The following MRAS variants were observed in gnomAD, a reference collection of about 807,000 sequenced individuals.
MRAS encodes the protein ras-related protein M-Ras.
MRAS carries 4 observed loss-of-function variants against 20.9 expected under a neutral mutation model. The observed-to-expected ratio is 0.19, with a 90% CI of 0.09 to 0.44. The LOEUF (loss-of-function observed/expected upper bound fraction) is 0.44, where lower values mean the gene tolerates loss of function less well. Among genes scored for constraint, MRAS ranks in the 20% least tolerant of loss-of-function variants. MRAS has a pLI of 0.99. For missense variants in MRAS, 154 were observed against 277.5 expected, an observed-to-expected ratio of 0.56 and a Z score of 3.16; for synonymous variants, 98 against 102.9, an observed-to-expected ratio of 0.95 and a Z score of 0.29.
At position 138,402,242 on chromosome 3, in the gene MRAS, C is replaced by T; in HGVS notation, c.600C>T (p.Thr200=). ...GGCGGGGAGACCGGGCCACAGGCAC[C>T]CACAAACTGCAATGTGTGATCTTGT... ...TKWRGDRATG[T]HKLQCVIL Residue 200 remains threonine (T), a synonymous_variant, in exon 6 of 6, where the codon ACC becomes ACT. Transcript: ENST00000423968. 6.2e-7 allele frequency: 1 copy of T among 1,614,190 alleles called. No individual in the cohort carries two copies. Among genetic ancestry groups the T allele is most frequent in the Non-Finnish European group, 8.5e-7 (1 of 1,180,030 alleles).
At chr3:138,378,551 T>A (rs1307164114) in intron 2 of MRAS, among the ~76,000 whole-genome samples, 6 of 152,242 alleles carry the variant, frequency 3.9e-5, no homozygotes, top group Non-Finnish European at 8.8e-5. Flanking sequence ...TTGCTTCGGC[T>A]GTCCCATCTC....
chr3:138,368,792 A>AC (rs1226008703), intron 1 of MRAS, among the ~76,000 whole-genome samples: 1 of 152,194 alleles, frequency 6.6e-6, no homozygotes, highest in African/African-American at 2.4e-5. Flanking sequence ...TTTTAAAAAA[A>AC]TCTTTCTCTG....
intron 2 of MRAS, among the ~76,000 whole-genome samples, chr3:138,390,527 C>T (rs2055110951): frequency 6.6e-6 from 1 of 152,238 alleles, no homozygotes; most frequent in African/African-American, 2.4e-5. Flanking sequence ...AGTCCTCCTA[C>T]CTTCATGACA....
At chr3:138,371,469 G>A (rs921233324) in intron 1 of MRAS, among the ~76,000 whole-genome samples, 1 of 152,156 alleles carries the variant, frequency 6.6e-6, no homozygotes, top group African/African-American at 2.4e-5. Flanking sequence ...GCCTTCCCAA[G>A]TAGCGGCGGA....
At chr3:138,396,289 G>A (rs991455324) in intron 2 of MRAS, among the ~76,000 whole-genome samples, 8 of 152,210 alleles carry the variant, frequency 5.3e-5, no homozygotes, top group Non-Finnish European at 8.8e-5. Context: ...AGGAAATGGT[G>A]GCACAGAGAG....
chr3:138,399,207 A>T (rs1168260029), intron 4 of MRAS, among the ~76,000 whole-genome samples: 1 of 152,222 alleles, frequency 6.6e-6, no homozygotes, highest in Non-Finnish European at 1.5e-5. Context: ...TTCTGAGCTC[A>T]GTCTCCTGAG....
chr3:138,391,842 A>G (rs1420514706), intron 2 of MRAS, among the ~76,000 whole-genome samples: 3 of 152,222 alleles, frequency 2.0e-5, no homozygotes, highest in Admixed American at 2.0e-4. Flanking sequence ...ATGTATGTTT[A>G]AAAATGCTTG....
At chr3:138,384,706 G>A (rs2054974557) in intron 2 of MRAS, among the ~76,000 whole-genome samples, 1 of 152,178 alleles carries the variant, frequency 6.6e-6, no homozygotes, top group South Asian at 2.1e-4. Context: ...TAAAGCTGCA[G>A]GATGAGAGAT....
intron 2 of MRAS, among the ~76,000 whole-genome samples, chr3:138,385,497 T>C (rs959739821): frequency 1.3e-5 from 2 of 150,236 alleles, no homozygotes; most frequent in Non-Finnish European, 3.0e-5. Flanking sequence ...AGTTTTAAAA[T>C]ATATATATTT....
chr3:138,400,347 T>G (rs540188880), intron 4 of MRAS, 187 bp from the exon 5 acceptor site: 67 of 583,060 alleles, frequency 1.1e-4, no homozygotes, highest in African/African-American at 1.0e-3. Context: ...GAAAAGCCAT[T>G]AGTAACACTT....
intron 1 of MRAS, among the ~76,000 whole-genome samples, chr3:138,367,619 T>C (rs1351308166): frequency 6.6e-6 from 1 of 152,188 alleles, no homozygotes; most frequent in African/African-American, 2.4e-5. Flanking sequence ...CCCCTGCTTC[T>C]TAGCACAAGG....
chr3:138,379,990 G>C (rs2054866163), intron 2 of MRAS, among the ~76,000 whole-genome samples: 1 of 152,062 alleles, frequency 6.6e-6, no homozygotes. Flanking sequence ...CCTAGCATTT[G>C]TTATTTTTTG....
intron 2 of MRAS, among the ~76,000 whole-genome samples, chr3:138,382,085 G>A (rs1003412996): frequency 6.6e-6 from 1 of 152,170 alleles, no homozygotes; most frequent in Admixed American, 6.5e-5. Context: ...TCCCCTGCCA[G>A]CAGTGATGTG....
At chr3:138,354,859 C>G (rs1363309767) in intron 1 of MRAS, among the ~76,000 whole-genome samples, 1 of 152,146 alleles carries the variant, frequency 6.6e-6, no homozygotes, top group Non-Finnish European at 1.5e-5. Context: ...TAGCTTATCA[C>G]AGCCTCGAAC....
At chr3:138,364,382 G>A (rs1354880261) in intron 1 of MRAS, among the ~76,000 whole-genome samples, 2 of 152,192 alleles carry the variant, frequency 1.3e-5, no homozygotes, top group Non-Finnish European at 2.9e-5. Context: ...CCAGGTACTG[G>A]GCCAAGCAAA....
At chr3:138,400,861 C>T (rs2055346000) in intron 5 of MRAS, among the ~76,000 whole-genome samples, 1 of 152,190 alleles carries the variant, frequency 6.6e-6, no homozygotes, top group Admixed American at 6.5e-5. Flanking sequence ...GAAATGCCTT[C>T]CTGTCTGATG....
rs551267320 is a variant in MRAS at position 138,359,859 on chromosome 3, A to G, written c.-19+11092A>G. On this transcript the variant is annotated intron_variant, in intron 1 of 5. Coordinates refer to ENST00000423968, the MANE Select transcript of MRAS (RefSeq NM_001085049.3). ...TCAGATGTGTGTGTGCTCAAGAAGG[A>G]TGGGTACAGAGTGTTGATTTATTTG... Among the ~76,000 whole-genome samples the G allele has an allele frequency of 6.6e-5, 10 of 152,352 alleles. No homozygotes were observed. In the East Asian group the frequency reaches 1.9e-3, roughly 29 times the overall value.
chr3:138,398,597 T>A, intron 4 of MRAS, 29 bp downstream of exon 4: 1 of 1,596,616 alleles, frequency 6.3e-7, no homozygotes, highest in South Asian at 1.1e-5. Context: ...GTAGAGGGGG[T>A]CAGGAGATGT....
intron 2 of MRAS, among the ~76,000 whole-genome samples, chr3:138,373,543 A>T (rs546654043): frequency 6.6e-6 from 1 of 152,358 alleles, no homozygotes; most frequent in South Asian, 2.1e-4. Flanking sequence ...CCAGGCCAGC[A>T]GTAGCCGCAG....
Sources: allele counts gnomAD v4.1 joint callset (sites outside exome capture counted in the v4.1 genomes callset), GRCh38; gene constraint gnomAD v4.1.1; transcripts MANE v1.5; gene names NCBI Gene and HGNC (gene_info 2026-07-23, HGNC 2026-07-21).